PDZD8: variants seen among roughly 807,000 people sequenced by gnomAD.
PDZD8 encodes the protein PDZ domain containing 8.
Under a neutral mutation model 85.8 loss-of-function variants are expected in PDZD8, and 14 were observed. The ratio of observed to expected loss-of-function variants is 0.16; its 90% CI spans 0.11 to 0.26. The LOEUF (loss-of-function observed/expected upper bound fraction) is 0.26. Among genes scored for constraint, PDZD8 ranks in the 10% least tolerant of loss-of-function variants. The pLI is 1.00. For synonymous variants in PDZD8, 592 were observed against 568.6 expected, an observed-to-expected ratio of 1.04 and a Z score of -0.59; for missense variants, 1,197 against 1,424.3, an observed-to-expected ratio of 0.84 and a Z score of 2.57.
intron 3 of PDZD8, among the ~76,000 whole-genome samples, chr10:117,298,910 AC>A (rs1045085590): frequency 6.6e-6 from 1 of 152,000 alleles, no homozygotes; most frequent in Non-Finnish European, 1.5e-5. Flanking sequence ...GGGTTCCAGG[AC>A]CCCACTCGAG....
At chr10:117,348,990 C>T (rs528668199) in intron 1 of PDZD8, among the ~76,000 whole-genome samples, 105 of 152,158 alleles carry the variant, frequency 6.9e-4, no homozygotes, top group Middle Eastern at 3.2e-3. Context: ...TGGCAAGAAT[C>T]GCAAATCATT....
rs1844563234 is a variant in PDZD8 at position 117,280,689 on chromosome 10, A to G, written c.*2579T>C. The stretch of plus-strand genomic sequence containing the variant: ...TGTCTCTACTGCCTCTCCCAGTGAA[A>G]TATAAAAATATTGCACTACATTACA... On this transcript the variant is annotated 3_prime_UTR_variant, in exon 5 of 5. Coordinates refer to ENST00000334464, the MANE Select transcript of PDZD8 (RefSeq NM_173791.5). The G allele has an allele frequency of 1.3e-5, 2 of 152,216 alleles. No homozygotes were observed. The highest frequency in any genetic ancestry group is 2.9e-5 in the Non-Finnish European group (2 of 68,042). 9.4% of individuals were successfully genotyped at this position (152,216 alleles called of 1,614,324 possible). A position where few individuals can be genotyped will look rare whatever the true frequency, so the allele number is the denominator to read the frequency against.
intron 3 of PDZD8, among the ~76,000 whole-genome samples, chr10:117,318,066 A>G (rs1049424134): frequency 6.6e-6 from 1 of 152,228 alleles, no homozygotes; most frequent in Non-Finnish European, 1.5e-5. Flanking sequence ...AGGAATATCC[A>G]TAAAAATACT....
At chr10:117,289,150 G>A (rs1039114688) in intron 4 of PDZD8, among the ~76,000 whole-genome samples, 1 of 152,140 alleles carries the variant, frequency 6.6e-6, no homozygotes, top group Non-Finnish European at 1.5e-5. Context: ...TTAACATCAG[G>A]TCTGGGTGAC....
intron 3 of PDZD8, among the ~76,000 whole-genome samples, chr10:117,308,609 G>A (rs12242486): frequency 1.1e-3 from 168 of 152,138 alleles, no homozygotes; most frequent in Non-Finnish European, 1.9e-3. Context: ...GTCATAGAGC[G>A]AGAGTGGAAA....
chr10:117,290,424 G>C (rs1589996245), intron 3 of PDZD8, 76 bp from the exon 4 acceptor site: 1 of 1,181,688 alleles, frequency 8.5e-7, no homozygotes, highest in East Asian at 2.5e-5. Context: ...GTAACAGACT[G>C]TTATGTGCAG....
At chr10:117,338,030 TTAAC>T (rs1183479825) in intron 2 of PDZD8, among the ~76,000 whole-genome samples, 4 of 152,198 alleles carry the variant, frequency 2.6e-5, no homozygotes, top group African/African-American at 9.7e-5. Flanking sequence ...CAAAATGAGA[TTAAC>T]TATTGAAATA....
At chr10:117,305,866 C>G (rs1258337840) in intron 3 of PDZD8, among the ~76,000 whole-genome samples, 3 of 152,080 alleles carry the variant, frequency 2.0e-5, no homozygotes, top group African/African-American at 4.8e-5. Flanking sequence ...TGGCTTTGTT[C>G]TAAGAGTTGG....
intron 3 of PDZD8, among the ~76,000 whole-genome samples, chr10:117,293,577 T>A (rs1448630506): frequency 6.6e-6 from 1 of 152,108 alleles, no homozygotes; most frequent in Non-Finnish European, 1.5e-5. Flanking sequence ...CCTCCTATCC[T>A]TATAAGCATA....
At position 117,284,366 on chromosome 10, in the gene PDZD8, A is replaced by C. The variant is rs1844619982; in HGVS notation, c.2367T>G (p.Ile789Met). Residue 789 changes from isoleucine to methionine, a missense_variant, in exon 5 of 5, where the codon ATT becomes ATG. By Grantham distance (10) the Ile-to-Met change is conservative. Coordinates refer to ENST00000334464, the MANE Select transcript of PDZD8 (RefSeq NM_173791.5). ...CTTTCAAATATTTGAAGTGAATAGT[A>C]ATGTCACCATAGCAAAATTTGTCAT... Reference protein sequence around the residue: ...GFNDKFCYGDITIHFKYLKEG... With the variant: ...GFNDKFCYGDMTIHFKYLKEG... The C allele has an allele frequency of 1.9e-6, 3 of 1,614,068 alleles. No homozygotes were observed. The highest frequency in any genetic ancestry group is 2.5e-6 in the Non-Finnish European group (3 of 1,180,038).
At chr10:117,359,581 C>T (rs934272197) in intron 1 of PDZD8, among the ~76,000 whole-genome samples, 9 of 151,912 alleles carry the variant, frequency 5.9e-5, no homozygotes, top group South Asian at 2.1e-4. Flanking sequence ...CATGGTGGTG[C>T]GCGCCTATAG....
chr10:117,295,774 A>G (rs1256596278), intron 3 of PDZD8, among the ~76,000 whole-genome samples: 1 of 152,218 alleles, frequency 6.6e-6, no homozygotes, highest in East Asian at 1.9e-4. Context: ...CTGCAAAAAA[A>G]TTAACAAAAT....
rs1845288529 is a variant in PDZD8, at chr10:117,375,386, G to A, written c.-159C>T. 7.6e-6 allele frequency: 3 copies of A among 395,234 alleles called. No homozygotes were observed. The highest frequency in any genetic ancestry group is 4.8e-5 in the Admixed American group (1 of 20,982). 24.5% of individuals were successfully genotyped at this position (395,234 alleles called of 1,614,324 possible). ...CAGGGGCTCGGGCCGGCGCGCTGCG[G>A]CGCCCGAGCCCGCAGCGGCCCGCGC... is the stretch of plus-strand genomic sequence containing the variant. On this transcript the variant is annotated 5_prime_UTR_variant, in exon 1 of 5. Transcript: ENST00000334464.
intron 2 of PDZD8, among the ~76,000 whole-genome samples, chr10:117,328,847 A>C (rs1490079364): frequency 2.6e-5 from 4 of 152,144 alleles, no homozygotes; most frequent in Non-Finnish European, 5.9e-5. Flanking sequence ...CAGCCTCCCA[A>C]AGTGTTGGGA....
chr10:117,365,189 T>C (rs1193068002), intron 1 of PDZD8, among the ~76,000 whole-genome samples: 1 of 151,826 alleles, frequency 6.6e-6, no homozygotes, highest in East Asian at 1.9e-4. Context: ...GGTAGAAGGA[T>C]GTTTATGGTG....
At chr10:117,324,208 CAAAAA>C (rs60898350) in intron 2 of PDZD8, among the ~76,000 whole-genome samples, 2 of 29,236 alleles carry the variant, frequency 6.8e-5, no homozygotes, top group African/African-American at 1.4e-4. Flanking sequence ...GACTCCATCT[CAAAAA>C]AAAAAAAAAA....
intron 3 of PDZD8, 91 bp downstream of exon 3, chr10:117,318,781 A>G: frequency 3.1e-6 from 3 of 953,616 alleles, no homozygotes; most frequent in Non-Finnish European, 4.7e-6. Context: ...CACATGACCA[A>G]AAATAACTCT....
chr10:117,375,018 G>C lies in PDZD8; in HGVS notation c.210C>G (p.Ser70=). Residue 70 remains serine, a synonymous_variant, in exon 1 of 5, where the codon TCC becomes TCG. Transcript: ENST00000334464. ...LYGGGRDEEP[S]GAAPEGGATP... is the part of the protein sequence containing the mutation. ...TCGCGCCGCCCTCAGGGGCCGCTCC[G>C]GAGGGCTCCTCATCCCGGCCGCCGC... The C allele has an allele frequency of 6.3e-7, 1 of 1,587,588 alleles. No homozygotes were observed.
chr10:117,356,895 A>C (rs758789650), intron 1 of PDZD8, among the ~76,000 whole-genome samples: 2 of 152,206 alleles, frequency 1.3e-5, no homozygotes, highest in Non-Finnish European at 2.9e-5. Context: ...ATGATATAGA[A>C]TCTTTTATCT....
Sources: allele counts gnomAD v4.1 joint callset (sites outside exome capture counted in the v4.1 genomes callset), GRCh38; gene constraint gnomAD v4.1.1; transcripts MANE v1.5; gene names NCBI Gene and HGNC (gene_info 2026-07-23, HGNC 2026-07-21).